The following SCML2 variants were observed in gnomAD, a reference collection of about 807,000 sequenced individuals.
The protein encoded by SCML2 is sex comb on midleg-like protein 2.
In SCML2, 6 loss-of-function variants were observed where a neutral mutation model predicts 48.4. The observed-to-expected ratio is 0.12, with a 90% confidence interval of 0.07 to 0.24. SCML2 has a LOEUF of 0.24. Among genes scored for constraint, SCML2 ranks in the 10% least tolerant of loss-of-function variants. The probability of loss-of-function intolerance (pLI) is 1.00; values close to 1 mark genes in which losing one functional copy is unlikely to be tolerated. For missense variants in SCML2, 377 were observed against 528.2 expected (o/e 0.71, Z 2.81); for synonymous variants, 181 against 189.5 (o/e 0.95, Z 0.37).
At chrX:18,351,098 C>T (rs1002988812) in intron 1 of SCML2, among the ~76,000 whole-genome samples, 1 of 110,267 alleles carries the variant, frequency 9.1e-6, no homozygotes, top group African/African-American at 3.3e-5. Context: ...GGTGAAACCC[C>T]GTCTCTACTA....
chrX:18,350,861 T>C (rs1393180215), intron 1 of SCML2, among the ~76,000 whole-genome samples: 1 of 112,048 alleles, frequency 8.9e-6, no homozygotes, highest in Non-Finnish European at 1.9e-5. Flanking sequence ...GTATAAATTA[T>C]GCCATTTTAA....
At chrX:18,351,705 T>C (rs187493799) in intron 1 of SCML2, among the ~76,000 whole-genome samples, 101 of 102,635 alleles carry the variant, frequency 9.8e-4, no homozygotes, top group African/African-American at 3.5e-3. Context: ...AGGTGACTAA[T>C]AAGGCAAACA....
At chrX:18,289,068 A>G (rs1602108493) in intron 7 of SCML2, among the ~76,000 whole-genome samples, 1 of 111,989 alleles carries the variant, frequency 8.9e-6, no homozygotes, top group African/African-American at 3.2e-5. Context: ...CAGAGAAACT[A>G]GAAAGAAATG....
intron 2 of SCML2, among the ~76,000 whole-genome samples, chrX:18,331,579 C>T (rs760047083): frequency 9.0e-6 from 1 of 111,719 alleles, no homozygotes; most frequent in Admixed American, 9.6e-5. Flanking sequence ...ATTTCTATTA[C>T]ATCTAAAAAA....
intron 7 of SCML2, among the ~76,000 whole-genome samples, chrX:18,285,212 A>G (rs1827202404): frequency 9.0e-6 from 1 of 110,785 alleles, no homozygotes; most frequent in African/African-American, 3.3e-5. Context: ...GTATATACCC[A>G]AAGGAAAACA....
intron 1 of SCML2, among the ~76,000 whole-genome samples, chrX:18,344,552 A>C (rs1196075968): frequency 9.0e-6 from 1 of 111,479 alleles, no homozygotes; most frequent in African/African-American, 3.3e-5. Context: ...GTGGGAGATA[A>C]ATGAATCATG....
chrX:18,246,699 G>A lies in SCML2; in HGVS notation c.1700C>T (p.Thr567Ile), dbSNP rs769221215. The change falls in exon 13 of 15, where the codon ACT (threonine) becomes ATT (isoleucine). Residue 567 changes from threonine (T) to isoleucine (I), a missense_variant. Transcript: ENST00000251900. ...PACRNPMYIH[T>I]SVSQDFSRSV... ...TCGAGAAAAATCCTGGGAGACTGAA[G>A]TATGAATATACATAGGATTTCTACA... 4.1e-6 allele frequency: 5 copies of A among 1,210,399 alleles called. No individual in the cohort carries two copies.
intron 9 of SCML2, among the ~76,000 whole-genome samples, chrX:18,259,293 T>G (rs1020817405): frequency 9.3e-6 from 1 of 107,522 alleles, no homozygotes; most frequent in African/African-American, 3.4e-5. Context: ...AAACAAAACA[T>G]GAGGGCACAT....
chrX:18,266,298 A>G (rs1314235109), intron 7 of SCML2, among the ~76,000 whole-genome samples: 1 of 111,553 alleles, frequency 9.0e-6, no homozygotes, highest in Non-Finnish European at 1.9e-5. Flanking sequence ...ATTGGCAAAT[A>G]AAAATTATAT....
chrX:18,319,220 G>A (rs755918872), intron 6 of SCML2, among the ~76,000 whole-genome samples: 2 of 110,915 alleles, frequency 1.8e-5, no homozygotes, highest in Non-Finnish European at 3.8e-5. Context: ...GCGAGACCCC[G>A]TCTCTACTAA....
Position 18,265,816 on chromosome X carries a change from T to A in SCML2, c.731-14A>T. On this transcript the variant is annotated splice_polypyrimidine_tract_variant and intron_variant, in intron 7 of 14. Transcript: ENST00000251900. ...TTACAATAGGAACTGAGGAAAAAAA[T>A]ACAAAAAATATTAAAGTAAATGACA... is the stretch of plus-strand genomic sequence containing the variant. 3 of 1,112,488 alleles carry A rather than the reference T, an allele frequency of 2.7e-6. No individual in the cohort carries two copies. The highest frequency in any genetic ancestry group is 1.2e-6 in the Non-Finnish European group (1 of 813,019). 91.7% of individuals were successfully genotyped at this position (1,112,488 alleles called of 1,213,427 possible).
intron 3 of SCML2, among the ~76,000 whole-genome samples, chrX:18,328,348 G>A (rs1929549196): frequency 9.0e-6 from 1 of 111,431 alleles, no homozygotes; most frequent in African/African-American, 3.3e-5. Flanking sequence ...TTAGGCATCT[G>A]TTAATTTCTA....
At chrX:18,287,111 C>A (rs1031228260) in intron 7 of SCML2, among the ~76,000 whole-genome samples, 2 of 111,253 alleles carry the variant, frequency 1.8e-5, no homozygotes, top group African/African-American at 6.5e-5. Context: ...CCTCTCAACA[C>A]CAAAGATATC....
At chrX:18,259,014 AG>A (rs1193763623) in intron 9 of SCML2, among the ~76,000 whole-genome samples, 1 of 111,636 alleles carries the variant, frequency 9.0e-6, no homozygotes, top group Non-Finnish European at 1.9e-5. Flanking sequence ...CTGTAATCCC[AG>A]CACTTTGGGA....
At chrX:18,263,874 A>G (rs1927162656) in intron 8 of SCML2, among the ~76,000 whole-genome samples, 1 of 101,397 alleles carries the variant, frequency 9.9e-6, no homozygotes, top group Admixed American at 1.1e-4. Context: ...TCTGGCCTCC[A>G]TGGCTTTTGA....
chrX:18,297,356 T>C lies in SCML2; in HGVS notation c.730+7616A>G, dbSNP rs770865400. On this transcript the variant is annotated intron_variant, in intron 7 of 14. Transcript: ENST00000251900. Reference sequence around the variant, plus strand: ...CCACTTTCAGCACTCCTATTCAACATAGTATTGGAAGTCCTAGCCAGAGCA... The same window carrying C: ...CCACTTTCAGCACTCCTATTCAACACAGTATTGGAAGTCCTAGCCAGAGCA... 7.1e-5 allele frequency among the ~76,000 whole-genome samples: 8 copies of C among 112,066 alleles called. No homozygotes were observed. In the South Asian group the frequency reaches 2.2e-3, roughly 31 times the overall value.
chrX:18,286,055 C>CTA (rs1321057578), intron 7 of SCML2, among the ~76,000 whole-genome samples: 1 of 111,837 alleles, frequency 8.9e-6, no homozygotes, highest in Non-Finnish European at 1.9e-5. Context: ...TTAAAATATT[C>CTA]TAATCCTTAT....
intron 7 of SCML2, among the ~76,000 whole-genome samples, chrX:18,294,408 T>C (rs1055963611): frequency 9.1e-6 from 1 of 110,187 alleles, no homozygotes; most frequent in African/African-American, 3.3e-5. Flanking sequence ...TCCACAGTGG[T>C]CAATATTCCC....
At chrX:18,247,422 T>C (rs1926488695) in intron 12 of SCML2, among the ~76,000 whole-genome samples, 1 of 112,360 alleles carries the variant, frequency 8.9e-6, no homozygotes, top group African/African-American at 3.2e-5. Context: ...CTATTTGTTA[T>C]AATATGATCA....
Sources: gnomAD v4.1 joint callset for allele counts (sites outside exome capture counted in the v4.1 genomes callset) on GRCh38, gnomAD v4.1.1 for gene constraint, MANE v1.5 for transcripts, NCBI Gene and HGNC (gene_info 2026-07-23, HGNC 2026-07-21) for gene names.